Variants in RBM26 observed in about 807,000 individuals in gnomAD.
RBM26 encodes RNA binding motif protein 26, also known as RNA-binding protein 26.
Under a neutral mutation model 123.6 loss-of-function variants are expected in RBM26, and 30 were observed. The ratio of observed to expected loss-of-function variants is 0.24; its 90% CI spans 0.18 to 0.33. The LOEUF is 0.33. RBM26 is among the 10% of genes least tolerant of loss of function. The probability of loss-of-function intolerance (pLI) is 1.00; values close to 1 mark genes in which losing one functional copy is unlikely to be tolerated. For missense variants in RBM26, 947 were observed against 1,203.6 expected, an observed-to-expected ratio of 0.79 and a Z score of 3.15; for synonymous variants, 400 against 404.4, an observed-to-expected ratio of 0.99 and a Z score of 0.13.
chr13:79,385,786 G>T (rs1160483289), intron 1 of RBM26, among the ~76,000 whole-genome samples: 1 of 152,134 alleles, frequency 6.6e-6, no homozygotes, highest in Non-Finnish European at 1.5e-5. Context: ...CATATGTGGG[G>T]CTGGCTTTTT....
chr13:79,341,345 TAATC>T, intron 17 of RBM26, 118 bp from the exon 18 acceptor site: 1 of 590,078 alleles, frequency 1.7e-6, no homozygotes, highest in Non-Finnish European at 2.9e-6. Flanking sequence ...ATCTCCAGTA[TAATC>T]ACTCTAATCC....
Position 79,318,983 on chromosome 13 carries a change from A to C in RBM26, c.*1638T>G. On this transcript the variant is annotated 3_prime_UTR_variant, in exon 22 of 22. Coordinates refer to ENST00000438737, the MANE Select transcript of RBM26 (RefSeq NM_001366735.2). ...GATCTTTGATTTAAATATATAAGTA[A>C]AAATAGTGACTTTTTGAGCAAAGTC... 1 of 974,522 alleles carries C rather than the reference A, an allele frequency of 1.0e-6. No homozygotes were observed. Among genetic ancestry groups the C allele is most frequent in the Non-Finnish European group, 1.2e-6 (1 of 820,162 alleles). 60.4% of individuals were successfully genotyped at this position (974,522 alleles called of 1,614,324 possible).
chr13:79,318,459 A>C (rs1476512616), downstream of RBM26, among the ~76,000 whole-genome samples: 2 of 151,276 alleles, frequency 1.3e-5, no homozygotes, highest in Non-Finnish European at 3.0e-5. Flanking sequence ...ACAAGTAAAA[A>C]ATTCAGTAGC....
chr13:79,346,182 C>A (rs1313174381), intron 14 of RBM26, among the ~76,000 whole-genome samples: 1 of 152,160 alleles, frequency 6.6e-6, no homozygotes, highest in East Asian at 1.9e-4. Flanking sequence ...AAGTAGCAAT[C>A]TGAAGACTAC....
At chr13:79,365,474 T>C in intron 9 of RBM26, 104 bp downstream of exon 9, 1 of 899,856 alleles carries the variant, frequency 1.1e-6, no homozygotes, top group Non-Finnish European at 1.7e-6. Context: ...TAAATCACCA[T>C]TCCTTATCCA....
intron 1 of RBM26, among the ~76,000 whole-genome samples, chr13:79,395,112 C>T (rs553328084): frequency 6.6e-6 from 1 of 152,300 alleles, no homozygotes; most frequent in Non-Finnish European, 1.5e-5. Context: ...ATCTTATTTA[C>T]TTCAGTCTCT....
intron 12 of RBM26, 24 bp downstream of exon 12, chr13:79,355,196 C>G: frequency 6.2e-7 from 1 of 1,610,004 alleles, no homozygotes; most frequent in Non-Finnish European, 8.5e-7. Context: ...AATGCGCGTA[C>G]TTTTACACAA....
chr13:79,336,998 G>A lies in RBM26; in HGVS notation c.2733+104C>T, dbSNP rs866807842. On this transcript the variant is annotated intron_variant, in intron 19 of 21. Transcript: ENST00000438737. ...GATTAAACTCTTTGTTCAGATTAACGAGTTGAAATTACTTATGTCCTTTTC... is the reference window on the plus strand; with the variant it reads ...GATTAAACTCTTTGTTCAGATTAACAAGTTGAAATTACTTATGTCCTTTTC... 6.1e-5 allele frequency: 63 copies of A among 1,026,304 alleles called. No individual in the cohort carries two copies. In the African/African-American group the frequency reaches 7.2e-4, roughly 12 times the overall value. The allele number at this position is 1,026,304 out of a possible 1,614,324, so 63.6% of individuals were successfully genotyped here. A position where few individuals can be genotyped will look rare whatever the true frequency, so the allele number is the denominator to read the frequency against.
chr13:79,401,419 A>C (rs550926277), intron 1 of RBM26, among the ~76,000 whole-genome samples: 2 of 152,332 alleles, frequency 1.3e-5, no homozygotes, highest in South Asian at 4.1e-4. Context: ...ATATGCACAC[A>C]GCTCTAGAGT....
chr13:79,326,878 T>C (rs1380726785), intron 20 of RBM26, among the ~76,000 whole-genome samples: 1 of 152,014 alleles, frequency 6.6e-6, no homozygotes, highest in East Asian at 1.9e-4. Flanking sequence ...ACTTTAGTGA[T>C]TTTTAAAAAT....
chr13:79,353,199 T>C lies in RBM26; in HGVS notation c.2012A>G (p.Asp671Gly). 6.3e-7 allele frequency: 1 copy of C among 1,588,450 alleles called. No individual in the cohort carries two copies. The highest frequency in any genetic ancestry group is 8.6e-7 in the Non-Finnish European group (1 of 1,165,734). ...PQNVTKLSVK[D>G]RLGFVSKPSV... ...TGGCTTTGATACAAAACCCAACCTGTCCTTCACAGATAACTTAGTTACATT... is the reference window on the plus strand; with the variant it reads ...TGGCTTTGATACAAAACCCAACCTGCCCTTCACAGATAACTTAGTTACATT... The change falls in exon 14 of 22, where the codon GAC becomes GGC. Residue 671 changes from aspartate to glycine, a missense_variant. Coordinates refer to ENST00000438737, the MANE Select transcript of RBM26 (RefSeq NM_001366735.2).
At chr13:79,362,644 T>C (rs1304251324) in intron 9 of RBM26, among the ~76,000 whole-genome samples, 1 of 152,210 alleles carries the variant, frequency 6.6e-6, no homozygotes, top group Non-Finnish European at 1.5e-5. Flanking sequence ...ATTTTTGGTC[T>C]TATTCCTGTC....
At chr13:79,384,960 T>C (rs2077362102) in intron 1 of RBM26, among the ~76,000 whole-genome samples, 1 of 152,166 alleles carries the variant, frequency 6.6e-6, no homozygotes, top group African/African-American at 2.4e-5. Context: ...AGAATATAAC[T>C]CACGGAATTT....
chr13:79,332,074 T>G (rs563031252), intron 20 of RBM26, among the ~76,000 whole-genome samples: 4 of 152,308 alleles, frequency 2.6e-5, no homozygotes, highest in Non-Finnish European at 5.9e-5. Flanking sequence ...TCTTGTACTT[T>G]CATCTTGAAA....
chr13:79,316,423 C>T (rs1779105868), downstream of RBM26, among the ~76,000 whole-genome samples: 1 of 151,464 alleles, frequency 6.6e-6, no homozygotes, highest in South Asian at 2.1e-4. Context: ...TATAAGCCAA[C>T]AGTTAGTGTT....
intron 1 of RBM26, among the ~76,000 whole-genome samples, chr13:79,386,378 G>T (rs1202597607): frequency 1.4e-5 from 2 of 147,666 alleles, no homozygotes; most frequent in Non-Finnish European, 3.0e-5. Flanking sequence ...TCACACTTGA[G>T]AACCATAGCT....
At chr13:79,359,522 G>C in intron 10 of RBM26, 53 bp downstream of exon 10, 1 of 831,548 alleles carries the variant, frequency 1.2e-6, no homozygotes, top group East Asian at 2.7e-5. Flanking sequence ...ATACAGAAAT[G>C]ATCCTGAAAA....
rs2079487598 is a variant in RBM26, at chr13:79,405,839, G to C, written c.-65C>G. The C allele has an allele frequency of 1.9e-6, 2 of 1,038,396 alleles. No individual in the cohort carries two copies. Among genetic ancestry groups the C allele is most frequent in the Non-Finnish European group, 2.7e-6 (2 of 751,526 alleles). The allele number at this position is 1,038,396 out of a possible 1,614,324, so 64.3% of individuals were successfully genotyped here. ...CCAGGTCGCGGCCGCTACAGCCGCC[G>C]CTGCCCCCGCCCCCTCCTCCGCGCG... On this transcript the variant is annotated 5_prime_UTR_variant, in exon 1 of 22. Transcript: ENST00000438737.
downstream of RBM26, among the ~76,000 whole-genome samples, chr13:79,317,984 G>A (rs2067299932): frequency 6.6e-6 from 1 of 151,630 alleles, no homozygotes; most frequent in Admixed American, 6.6e-5. Context: ...TGATGAATAA[G>A]ACATGGTCCA....
Sources: allele counts gnomAD v4.1 joint callset (sites outside exome capture counted in the v4.1 genomes callset), GRCh38; gene constraint gnomAD v4.1.1; transcripts MANE v1.5; gene names NCBI Gene and HGNC (gene_info 2026-07-23, HGNC 2026-07-21).